The following CCDC122 variants were observed in gnomAD, a reference collection of about 807,000 sequenced individuals.
The protein encoded by CCDC122 is coiled-coil domain-containing protein 122.
Under a neutral mutation model 37.0 loss-of-function variants are expected in CCDC122, and 38 were observed. That is an observed-to-expected ratio of 1.03 (90% CI 0.79 to 1.35). CCDC122 has a LOEUF of 1.35. Among genes scored for constraint, CCDC122 ranks in the 40% most tolerant of loss-of-function variants. CCDC122 has a pLI of 0.00. For synonymous variants in CCDC122, 83 were observed against 95.6 expected, an observed-to-expected ratio of 0.87 and a Z score of 0.77; for missense variants, 305 against 310.0, an observed-to-expected ratio of 0.98 and a Z score of 0.12.
intron 4 of CCDC122, among the ~76,000 whole-genome samples, chr13:43,868,229 G>A (rs117153101): frequency 2.6e-5 from 4 of 152,030 alleles, no homozygotes; most frequent in South Asian, 2.1e-4. Flanking sequence ...ATCTAATTAC[G>A]TTGCATGCGA....
At chr13:43,832,571 C>T (rs189170307), downstream of CCDC122, among the ~76,000 whole-genome samples, 7 of 152,264 alleles carry the variant, frequency 4.6e-5, no homozygotes, top group Admixed American at 2.6e-4. Context: ...CCCTCATGAA[C>T]TGTTACCTAT....
intron 2 of CCDC122, among the ~76,000 whole-genome samples, chr13:43,869,701 G>C (rs944941098): frequency 2.6e-5 from 4 of 151,684 alleles, no homozygotes; most frequent in Non-Finnish European, 5.9e-5. Flanking sequence ...AACTTCATAA[G>C]GCTGTTCTAA....
exon 4 of CCDC122, chr13:43,823,929 G>A (rs912998750): frequency 4.6e-5 from 7 of 152,262 alleles, no homozygotes; most frequent in Non-Finnish European, 1.0e-4. Flanking sequence ...TTGTGATGAT[G>A]GTGCTCTTGA....
In CCDC122 at chr13:43,868,792, T is replaced by C; in HGVS notation, c.58A>G (p.Thr20Ala). ...TCTACAGCATCAGCTAATGAACTTG[T>C]GTCTTGGTTATCTACAATTAGACAA... ...QGFPKEDNQD[T>A]SSLADAVEKV... The change falls in exon 4 of 7, where the codon ACA becomes GCA. Residue 20 changes from threonine to alanine, a missense_variant. Coordinates refer to ENST00000444614, the MANE Select transcript of CCDC122 (RefSeq NM_144974.5). 13 of 1,506,358 alleles carry C rather than the reference T, an allele frequency of 8.6e-6. No homozygotes were observed. Among genetic ancestry groups the C allele is most frequent in the Non-Finnish European group, 1.2e-5 (13 of 1,127,414 alleles). 93.3% of individuals were successfully genotyped at this position (1,506,358 alleles called of 1,614,324 possible).
chr13:43,838,453 C>T (rs1465072613), intron 6 of CCDC122, among the ~76,000 whole-genome samples: 1 of 152,068 alleles, frequency 6.6e-6, no homozygotes, highest in Admixed American at 6.6e-5. Flanking sequence ...CATTGGTCTT[C>T]GTGTCGGGCC....
At chr13:43,852,163 T>C (rs1015082043) in intron 6 of CCDC122, among the ~76,000 whole-genome samples, 2 of 151,932 alleles carry the variant, frequency 1.3e-5, no homozygotes, top group Non-Finnish European at 2.9e-5. Flanking sequence ...GAAATAGAAT[T>C]CAGAATATGG....
intron 6 of CCDC122, among the ~76,000 whole-genome samples, chr13:43,853,533 A>G (rs1042800345): frequency 6.6e-6 from 1 of 152,312 alleles, no homozygotes; most frequent in Non-Finnish European, 1.5e-5. Context: ...CCCCCACACA[A>G]TAATGGTGGG....
intron 4 of CCDC122, among the ~76,000 whole-genome samples, chr13:43,868,429 G>A (rs1250033429): frequency 6.6e-6 from 1 of 151,948 alleles, no homozygotes; most frequent in African/African-American, 2.4e-5. Context: ...ATCAAATAAG[G>A]GAATGTAAAA....
At chr13:43,879,533 G>A (rs921627652) in intron 1 of CCDC122, 98 bp downstream of exon 1, 14 of 152,330 alleles carry the variant, frequency 9.2e-5, no homozygotes, top group African/African-American at 3.4e-4. Context: ...TGCTGAGGCA[G>A]CAGCGGGCTC....
rs2153872593 is a variant in CCDC122, at chr13:43,850,888, C to A, written c.672+7893G>T. 2.0e-5 allele frequency among the ~76,000 whole-genome samples: 3 copies of A among 152,284 alleles called. No homozygotes were observed. The South Asian group carries it at 6.2e-4, about 32-fold the overall frequency. ...GCAAAAGCATGTCATAGTAAAACTTCTGAAAACAGAAGAATGTTTTTTCCC... is the reference window on the plus strand; with the variant it reads ...GCAAAAGCATGTCATAGTAAAACTTATGAAAACAGAAGAATGTTTTTTCCC... On this transcript the variant is annotated intron_variant, in intron 6 of 6. Transcript: ENST00000444614.
At position 43,869,344 on chromosome 13, in the gene CCDC122, T is replaced by C; in HGVS notation, c.33A>G (p.Gly11=). MSDNKERKSQ[G]FPKEDNQDTS... The stretch of plus-strand genomic sequence containing the variant: ...CTGTTTCATTACCTTCTTTAGGAAA[T>C]CCTTGACTCTTCCTTTCTTTGTTGT... Residue 11 remains glycine (G), a synonymous_variant, in exon 3 of 7, where the codon GGA becomes GGG. Transcript: ENST00000444614. 6.2e-7 allele frequency: 1 copy of C among 1,608,300 alleles called. No individual in the cohort carries two copies. Among genetic ancestry groups the C allele is most frequent in the Non-Finnish European group, 8.5e-7 (1 of 1,176,258 alleles).
chr13:43,856,727 G>A (rs1482164823), intron 6 of CCDC122: 1 of 152,168 alleles, frequency 6.6e-6, no homozygotes. Flanking sequence ...GAACTGTATG[G>A]TATGTGAATT....
chr13:43,827,388 T>C (rs1208352058), intron 3 of CCDC122, among the ~76,000 whole-genome samples: 10 of 152,208 alleles, frequency 6.6e-5, no homozygotes, highest in Admixed American at 5.9e-4. Context: ...CTTATGTCAA[T>C]CAAATGCTAG....
intron 6 of CCDC122, among the ~76,000 whole-genome samples, chr13:43,844,351 T>C (rs1953448158): frequency 6.6e-6 from 1 of 152,002 alleles, no homozygotes; most frequent in Non-Finnish European, 1.5e-5. Flanking sequence ...GCTATCTCAT[T>C]GTTATTGATT....
intron 1 of CCDC122, among the ~76,000 whole-genome samples, chr13:43,879,092 G>A (rs1034439412): frequency 4.6e-5 from 7 of 152,108 alleles, no homozygotes; most frequent in African/African-American, 1.4e-4. Context: ...CTCAGAGACC[G>A]GAAACGCGGA....
chr13:43,832,920 G>A (rs1377137365), downstream of CCDC122, among the ~76,000 whole-genome samples: 1 of 151,664 alleles, frequency 6.6e-6, no homozygotes, highest in Non-Finnish European at 1.5e-5. Flanking sequence ...TTGTCAAACA[G>A]GGCACAGCAT....
intron 6 of CCDC122, among the ~76,000 whole-genome samples, chr13:43,845,907 CTTCTT>C (rs1953512344): frequency 1.3e-5 from 2 of 152,174 alleles, no homozygotes; most frequent in South Asian, 4.1e-4. Flanking sequence ...TCATTATACG[CTTCTT>C]TTAATTATAA....
intron 2 of CCDC122, among the ~76,000 whole-genome samples, chr13:43,873,625 C>A (rs1954515266): frequency 6.6e-6 from 1 of 152,150 alleles, no homozygotes; most frequent in Non-Finnish European, 1.5e-5. Flanking sequence ...ATTGACCTAC[C>A]CAAAGGATGA....
intron 6 of CCDC122, chr13:43,853,980 C>G (rs1347695514): frequency 6.6e-6 from 1 of 152,104 alleles, no homozygotes. Context: ...TGGGACACAG[C>G]TAAGGGCAGT....
Sources: gnomAD v4.1 joint callset for allele counts (sites outside exome capture counted in the v4.1 genomes callset) on GRCh38, gnomAD v4.1.1 for gene constraint, MANE v1.5 for transcripts, NCBI Gene and HGNC (gene_info 2026-07-23, HGNC 2026-07-21) for gene names.